Variants in EML6 observed in about 807,000 individuals in gnomAD.
EML6 encodes echinoderm microtubule-associated protein-like 6.
A neutral mutation model predicts 240.1 loss-of-function variants in EML6; 154 were observed. That is an observed-to-expected ratio of 0.64 (90% CI 0.56 to 0.73). The LOEUF is 0.73. EML6 is among the 30% of genes least tolerant of loss of function. The pLI, the probability that EML6 is intolerant of heterozygous loss-of-function variation, is 0.00. For synonymous variants in EML6, 1,148 were observed against 899.0 expected, an observed-to-expected ratio of 1.28 and a Z score of -4.95; for missense variants, 2,964 against 2,474.6, an observed-to-expected ratio of 1.20 and a Z score of -4.20.
chr2:54,771,281 C>A (rs1166672100), intron 2 of EML6, among the ~76,000 whole-genome samples: 1 of 152,154 alleles, frequency 6.6e-6, no homozygotes, highest in Non-Finnish European at 1.5e-5. Flanking sequence ...GTATTCTGTT[C>A]CAATTCTTTC....
chr2:54,895,220 C>T, intron 20 of EML6, 53 bp from the exon 21 acceptor site: 1 of 1,540,828 alleles, frequency 6.5e-7, no homozygotes, highest in South Asian at 1.2e-5. Flanking sequence ...TGAATTTATA[C>T]TAATAAGCAG....
At chr2:54,940,485 AGGAT>A (rs1675374402) in intron 28 of EML6, among the ~76,000 whole-genome samples, 1 of 152,220 alleles carries the variant, frequency 6.6e-6, no homozygotes, top group African/African-American at 2.4e-5. Context: ...TAAACTGTGT[AGGAT>A]TATCAGTTCC....
intron 28 of EML6, among the ~76,000 whole-genome samples, chr2:54,936,970 T>C (rs1358689504): frequency 0.014 from 16 of 1,156 alleles, no homozygotes; most frequent in South Asian, 0.11. Flanking sequence ...ATGTCTCTCT[T>C]TTTTTTTTTT....
At chr2:54,770,931 A>C (rs1455148243) in intron 2 of EML6, among the ~76,000 whole-genome samples, 1 of 151,986 alleles carries the variant, frequency 6.6e-6, no homozygotes, top group African/African-American at 2.4e-5. Context: ...AATCATCTTC[A>C]TGTTGGTGAA....
At chr2:54,798,482 T>C (rs1669939583) in intron 2 of EML6, among the ~76,000 whole-genome samples, 1 of 152,132 alleles carries the variant, frequency 6.6e-6, no homozygotes, top group Non-Finnish European at 1.5e-5. Flanking sequence ...CATTTTATAG[T>C]TTTTAATGTA....
intron 28 of EML6, among the ~76,000 whole-genome samples, chr2:54,941,628 T>G (rs1162526469): frequency 1.3e-5 from 2 of 152,260 alleles, no homozygotes; most frequent in Non-Finnish European, 2.9e-5. Context: ...GAGGAACTTC[T>G]AGTTCTACAT....
At chr2:54,878,391 G>C (rs17046440) in intron 16 of EML6, among the ~76,000 whole-genome samples, 1 of 152,126 alleles carries the variant, frequency 6.6e-6, no homozygotes, top group Non-Finnish European at 1.5e-5. Flanking sequence ...TTGATCACTC[G>C]TCTCCTAGCA....
At chr2:54,969,946 G>C (rs1676917411) in intron 41 of EML6, 125 bp from the exon 42 acceptor site, 1 of 965,812 alleles carries the variant, frequency 1.0e-6, no homozygotes, top group East Asian at 2.6e-5. Flanking sequence ...TTTACCTTTT[G>C]AAGTCAAAAT....
chr2:54,865,147 G>T (rs1304906228), intron 13 of EML6, among the ~76,000 whole-genome samples: 3 of 152,124 alleles, frequency 2.0e-5, no homozygotes, highest in Non-Finnish European at 4.4e-5. Flanking sequence ...TTTAGGAAAA[G>T]AAATCTTTAA....
At chr2:54,802,499 T>C (rs1052305077) in intron 2 of EML6, among the ~76,000 whole-genome samples, 2 of 151,906 alleles carry the variant, frequency 1.3e-5, no homozygotes, top group African/African-American at 2.4e-5. Flanking sequence ...TAGTGGCATG[T>C]GCCTATGGTC....
intron 38 of EML6, among the ~76,000 whole-genome samples, chr2:54,966,523 CTG>C (rs1246197040): frequency 1.3e-5 from 2 of 152,328 alleles, no homozygotes; most frequent in Admixed American, 6.5e-5. Context: ...CAGAGATCAT[CTG>C]TGTCACCCAC....
chr2:54,892,582 T>G lies in EML6; in HGVS notation c.2668T>G (p.Trp890Gly), dbSNP rs1672529798. ...SGAATGDIFI[W>G]KDILLLKTVK... is the part of the protein sequence containing the mutation. Reference sequence around the variant, plus strand: ...AGCAGCTACTGGAGATATTTTTATTTGGAAAGACATTCTACTACTGAAGAC... The same window carrying G: ...AGCAGCTACTGGAGATATTTTTATTGGGAAAGACATTCTACTACTGAAGAC... Residue 890 changes from tryptophan (W) to glycine (G), a missense_variant, in exon 19 of 42, where the codon TGG becomes GGG. Transcript: ENST00000356458. The G allele has an allele frequency of 6.4e-7, 1 of 1,551,796 alleles. No individual in the cohort carries two copies. The highest frequency in any genetic ancestry group is 8.7e-7 in the Non-Finnish European group (1 of 1,146,918).
rs757527670 is a variant in EML6, at chr2:54,746,546, GTGT to G, written c.197+21299_197+21301del. Reference sequence around the variant, plus strand: ...ATAAAGAAGAGAGAAAAAGAAAAGAGTGTTGTTGTTGTTACTAATCCTTATAGT... The same window carrying G: ...ATAAAGAAGAGAGAAAAAGAAAAGAGTGTTGTTGTTACTAATCCTTATAGT... On this transcript the variant is annotated intron_variant, in intron 2 of 41. Transcript: ENST00000356458. Among the ~76,000 whole-genome samples, 173 of 152,300 alleles carry G rather than the reference GTGT, an allele frequency of 1.1e-3. No homozygotes were observed. In the Middle Eastern group the frequency reaches 0.014, roughly 12 times the overall value.
chr2:54,873,443 C>T (rs1183511049), intron 16 of EML6, among the ~76,000 whole-genome samples: 1 of 152,186 alleles, frequency 6.6e-6, no homozygotes, highest in African/African-American at 2.4e-5. Flanking sequence ...ACTCAATAAA[C>T]AGTGAATACA....
Position 54,850,139 on chromosome 2 carries a change from G to C in EML6, c.1365G>C (p.Thr455=). 3 of 1,551,558 alleles carry C rather than the reference G, an allele frequency of 1.9e-6. No individual in the cohort carries two copies. Among genetic ancestry groups the C allele is most frequent in the Non-Finnish European group, 1.7e-6 (2 of 1,146,744 alleles). ...GECSKSLSFI[T]HIDWSLDSKY... ...GCAGCAAGTCCCTTAGTTTCATCAC[G>C]CATATTGACTGGTCCTTGGATAGTA... The change falls in exon 10 of 42, where the codon ACG becomes ACC. Residue 455 remains threonine (T), a synonymous_variant. Coordinates refer to ENST00000356458, the MANE Select transcript of EML6 (RefSeq NM_001039753.4).
At chr2:54,917,499 A>G (rs1240347245) in intron 26 of EML6, among the ~76,000 whole-genome samples, 5 of 151,586 alleles carry the variant, frequency 3.3e-5, no homozygotes, top group Non-Finnish European at 5.9e-5. Flanking sequence ...GAGTAGCTGG[A>G]TTACAGACGC....
intron 2 of EML6, among the ~76,000 whole-genome samples, chr2:54,786,544 G>A (rs1156580360): frequency 6.6e-6 from 1 of 152,176 alleles, no homozygotes; most frequent in Non-Finnish European, 1.5e-5. Flanking sequence ...GGTGAAGGAA[G>A]AATCTCCTGT....
At chr2:54,928,256 G>A (rs1426105890) in intron 26 of EML6, 57 bp from the exon 27 acceptor site, 21 of 1,324,754 alleles carry the variant, frequency 1.6e-5, no homozygotes, top group Admixed American at 2.0e-5. Context: ...ATGGATAAAC[G>A]AGCCCAGAGA....
intron 8 of EML6, among the ~76,000 whole-genome samples, chr2:54,846,956 G>A (rs891052824): frequency 8.4e-6 from 1 of 119,598 alleles, no homozygotes; most frequent in Non-Finnish European, 1.8e-5. Flanking sequence ...GCCTTGCACT[G>A]ACACCCAGGC....
Sources: allele counts gnomAD v4.1 joint callset (sites outside exome capture counted in the v4.1 genomes callset), GRCh38; gene constraint gnomAD v4.1.1; transcripts MANE v1.5; gene names NCBI Gene and HGNC (gene_info 2026-07-23, HGNC 2026-07-21).